The following SLC22A23 variants were observed in gnomAD, a reference collection of about 807,000 sequenced individuals.
SLC22A23 encodes ion transporter protein.
In SLC22A23, 26 loss-of-function variants were observed where a neutral mutation model predicts 61.0. That is an observed-to-expected ratio of 0.43 (90% confidence interval 0.31 to 0.59). The LOEUF is 0.59. SLC22A23 is among the 20% of genes least tolerant of loss of function. SLC22A23 has a pLI of 0.11. For missense variants in SLC22A23, 796 were observed against 934.7 expected (o/e 0.85, Z 1.94); for synonymous variants, 430 against 413.9 (o/e 1.04, Z -0.47).
chr6:3,445,111 A>C (rs1771823930), intron 1 of SLC22A23: 1 of 354,918 alleles, frequency 2.8e-6, no homozygotes, highest in African/African-American at 2.2e-5. Context: ...TCTACCATTG[A>C]GGAAACAGGT....
chr6:3,286,941 T>C lies in SLC22A23; in HGVS notation c.1464A>G (p.Arg488=), dbSNP rs2127321556. The change falls in exon 7 of 10, where the codon CGA becomes CGG. Residue 488 remains arginine (R), a synonymous_variant. Coordinates refer to ENST00000406686, the MANE Select transcript of SLC22A23 (RefSeq NM_015482.2). The surrounding 1 kb of genome is among the most constrained non-coding windows in gnomAD (Gnocchi z 4.2). ...VSCLAMCVVV[R]FLGRRGGLLL... ...GCAGCCCTCCCCTGCGCCCGAGGAA[T>C]CGGACCACCACGCACATGGCCAGGC... 1.2e-6 allele frequency: 2 copies of C among 1,613,938 alleles called. No homozygotes were observed. Among genetic ancestry groups the C allele is most frequent in the Non-Finnish European group, 1.7e-6 (2 of 1,180,000 alleles).
Position 3,444,863 on chromosome 6 carries a change from C to G in SLC22A23, c.654+11043G>C, listed in dbSNP as rs937099545. 4 of 985,508 alleles carry G rather than the reference C, an allele frequency of 4.1e-6. No homozygotes were observed. In the African/African-American group the frequency reaches 7.0e-5, roughly 17 times the overall value. The allele number at this position is 985,508 out of a possible 1,614,324, so 61.0% of individuals were successfully genotyped here. On this transcript the variant is annotated intron_variant, in intron 1 of 9. Transcript: ENST00000406686. ...GTTTCTGGGTGAAGGCGGCAGACAC[C>G]TGGCAGCGCCCAAGGAATAAATCGC...
At chr6:3,273,804 A>G (rs1758653554) in intron 9 of SLC22A23, among the ~76,000 whole-genome samples, 1 of 152,234 alleles carries the variant, frequency 6.6e-6, no homozygotes, top group Non-Finnish European at 1.5e-5. Flanking sequence ...AGGGATTGAA[A>G]TTATGCCATT....
At chr6:3,334,011 T>C (rs947864250) in intron 3 of SLC22A23, among the ~76,000 whole-genome samples, 4 of 152,250 alleles carry the variant, frequency 2.6e-5, no homozygotes, top group Non-Finnish European at 4.4e-5. Flanking sequence ...TTCTGAACAC[T>C]GAAGAGTTTT....
rs1000983090 is a variant in SLC22A23 at position 3,270,582 on chromosome 6, C to G, written c.*2473G>C. The G allele has an allele frequency of 6.6e-6, 1 of 151,644 alleles. No homozygotes were observed. The highest frequency in any genetic ancestry group is 2.4e-5 in the African/African-American group (1 of 41,134). The allele number at this position is 151,644 out of a possible 1,614,324, so 9.4% of individuals were successfully genotyped here. A position where few individuals can be genotyped will look rare whatever the true frequency, so the allele number is the denominator to read the frequency against. Reference sequence around the variant, plus strand: ...CGGCTGAGAGCCATTACCTGCCGACCGTCGGCAAGTCAGCCTCACACCCAC... The same window carrying G: ...CGGCTGAGAGCCATTACCTGCCGACGGTCGGCAAGTCAGCCTCACACCCAC... On this transcript the variant is annotated 3_prime_UTR_variant, in exon 10 of 10. Coordinates refer to ENST00000406686, the MANE Select transcript of SLC22A23 (RefSeq NM_015482.2).
intron 3 of SLC22A23, among the ~76,000 whole-genome samples, chr6:3,369,226 T>G (rs1766043563): frequency 6.6e-6 from 1 of 152,092 alleles, no homozygotes; most frequent in African/African-American, 2.4e-5. Context: ...CTCGCCCAGT[T>G]AAATCTAAAG....
Position 3,304,088 on chromosome 6 carries a change from T to C in SLC22A23, c.1083-5870A>G, listed in dbSNP as rs946976183. On this transcript the variant is annotated intron_variant, in intron 4 of 9. Transcript: ENST00000406686. The surrounding 1 kb of genome is among the most constrained non-coding windows in gnomAD (Gnocchi z 4.3). ...TCCCAGAGAGGATTCAATTCTGCTGTTCCCCTTTCTTATCTGGGCCCACGG... is the reference window on the plus strand; with the variant it reads ...TCCCAGAGAGGATTCAATTCTGCTGCTCCCCTTTCTTATCTGGGCCCACGG... Among the ~76,000 whole-genome samples the C allele has an allele frequency of 6.6e-6, 1 of 152,236 alleles. No homozygotes were observed. The highest frequency in any genetic ancestry group is 2.4e-5 in the African/African-American group (1 of 41,468).
intron 2 of SLC22A23, among the ~76,000 whole-genome samples, chr6:3,415,320 G>A (rs559634333): frequency 1.3e-5 from 2 of 152,290 alleles, no homozygotes; most frequent in East Asian, 3.9e-4. Flanking sequence ...GACATGTAGA[G>A]GAGCTAATCA....
At chr6:3,300,509 G>C (rs185284432) in intron 4 of SLC22A23, among the ~76,000 whole-genome samples, 4 of 152,142 alleles carry the variant, frequency 2.6e-5, no homozygotes, top group Admixed American at 6.5e-5. Context: ...GACACAGAAG[G>C]CTCCATCTAT....
chr6:3,300,800 C>A (rs977926752), intron 4 of SLC22A23, among the ~76,000 whole-genome samples: 1 of 152,192 alleles, frequency 6.6e-6, no homozygotes, highest in Non-Finnish European at 1.5e-5. Flanking sequence ...GTTGTTCCCA[C>A]TGAATTCGGT....
In SLC22A23 at chr6:3,378,169, G is replaced by A. The variant is rs367655251; in HGVS notation, c.913+32019C>T. The stretch of plus-strand genomic sequence containing the variant: ...AACATTTAATATCACCGATGGCTCC[G>A]AACACTTTGTACTTTTTGCTCAGCT... On this transcript the variant is annotated intron_variant, in intron 3 of 9. Coordinates refer to ENST00000406686, the MANE Select transcript of SLC22A23 (RefSeq NM_015482.2). Among the ~76,000 whole-genome samples, 7 of 152,298 alleles carry A rather than the reference G, an allele frequency of 4.6e-5. No homozygotes were observed. In the East Asian group the frequency reaches 7.7e-4, roughly 17 times the overall value.
At chr6:3,341,791 G>A (rs1764171685) in intron 3 of SLC22A23, among the ~76,000 whole-genome samples, 2 of 151,732 alleles carry the variant, frequency 1.3e-5, no homozygotes, top group Admixed American at 1.3e-4. Context: ...GTGGGGGCGG[G>A]GGAGCGCAGG....
intron 3 of SLC22A23, among the ~76,000 whole-genome samples, chr6:3,345,247 G>A (rs1334360835): frequency 1.3e-5 from 2 of 151,836 alleles, no homozygotes; most frequent in Non-Finnish European, 2.9e-5. Flanking sequence ...AGAAACGAAA[G>A]ATACATGTTG....
intron 3 of SLC22A23, among the ~76,000 whole-genome samples, chr6:3,392,942 T>C (rs9503574): frequency 0.078 from 11,859 of 152,104 alleles, 1,006 homozygotes; most frequent in African/African-American, 0.21. Context: ...GCCATGTTTC[T>C]AGCAGAGCAG....
chr6:3,323,216 T>A (rs1231001876), intron 4 of SLC22A23: 2 of 456,006 alleles, frequency 4.4e-6, no homozygotes, highest in Admixed American at 2.4e-5. Flanking sequence ...GCAAGCTATT[T>A]TTTGTAAAGG....
chr6:3,297,765 A>G lies in SLC22A23; in HGVS notation c.1210+326T>C, dbSNP rs879862589. On this transcript the variant is annotated intron_variant, in intron 5 of 9. Transcript: ENST00000406686. The surrounding 1 kb of genome is among the most constrained non-coding windows in gnomAD (Gnocchi z 4.3). ...CTACACCCTGAGCCAGCGCTCTGGC[A>G]GTGTTTAGACCTGGCAGGCAGGTAG... Among the ~76,000 whole-genome samples, 2 of 152,228 alleles carry G rather than the reference A, an allele frequency of 1.3e-5. No individual in the cohort carries two copies. Among genetic ancestry groups the G allele is most frequent in the Non-Finnish European group, 2.9e-5 (2 of 68,038 alleles).
intron 1 of SLC22A23, among the ~76,000 whole-genome samples, chr6:3,425,409 C>T (rs1335893078): frequency 6.6e-5 from 10 of 151,354 alleles, no homozygotes; most frequent in African/African-American, 2.2e-4. Context: ...CTCAGCCTCC[C>T]GAGTAGCTGA....
At chr6:3,325,779 C>T (rs558757574) in intron 3 of SLC22A23, among the ~76,000 whole-genome samples, 9 of 152,308 alleles carry the variant, frequency 5.9e-5, no homozygotes, top group Admixed American at 3.9e-4. Flanking sequence ...CTATATTAGC[C>T]ACGGTAAATT....
At chr6:3,319,374 T>G (rs961084790) in intron 4 of SLC22A23, among the ~76,000 whole-genome samples, 2 of 152,140 alleles carry the variant, frequency 1.3e-5, no homozygotes, top group African/African-American at 4.8e-5. Context: ...TTCTGAACAT[T>G]TAGGCCTCAG....
Sources: gnomAD v4.1 joint callset for allele counts (sites outside exome capture counted in the v4.1 genomes callset) on GRCh38, gnomAD v4.1.1 for gene constraint, Gnocchi (gnomAD v3.1) non-coding constraint, MANE v1.5 for transcripts, NCBI Gene and HGNC (gene_info 2026-07-23, HGNC 2026-07-21) for gene names.